Variants in CFAP77 observed in about 807,000 individuals in gnomAD.
CFAP77 encodes the protein cilia- and flagella-associated protein 77.
CFAP77 carries 25 observed loss-of-function variants against 31.1 expected under a neutral mutation model. That is an observed-to-expected ratio of 0.80 (90% CI 0.59 to 1.12). The LOEUF is 1.12. Ranked by LOEUF, CFAP77 falls within the 50% of genes most tolerant of loss-of-function variation. CFAP77 has a pLI of 0.00. For synonymous variants in CFAP77, 151 were observed against 159.9 expected (o/e 0.94, Z 0.42); for missense variants, 377 against 397.3 (o/e 0.95, Z 0.44).
At position 132,529,431 on chromosome 9, in the gene CFAP77, G is replaced by A. The variant is rs541410611; in HGVS notation, c.525-8170G>A. On this transcript the variant is annotated intron_variant, in intron 3 of 5. Coordinates refer to ENST00000393216, the MANE Select transcript of CFAP77 (RefSeq NM_001282957.2). ...TAAATGACACGTTAGTGGGTGCAGCGCACCAGCATGGCACATGTATACATA... is the reference window on the plus strand; with the variant it reads ...TAAATGACACGTTAGTGGGTGCAGCACACCAGCATGGCACATGTATACATA... 1.4e-3 allele frequency among the ~76,000 whole-genome samples: 182 copies of A among 131,312 alleles called. 3 individuals are homozygous for A. Among genetic ancestry groups the A allele is most frequent in the Middle Eastern group, 0.011 (3 of 268 alleles). The allele number at this position is 131,312 out of a possible 152,430, so 86.1% of individuals were successfully genotyped here.
intron 3 of CFAP77, among the ~76,000 whole-genome samples, chr9:132,505,703 G>T (rs567860553): frequency 1.3e-5 from 2 of 152,190 alleles, no homozygotes; most frequent in Admixed American, 1.3e-4. Flanking sequence ...GTGGATCTGC[G>T]CTCTGCCTGG....
chr9:132,444,974 CTT>C lies in CFAP77; in HGVS notation c.195+34525_195+34526del, dbSNP rs564127221. Among the ~76,000 whole-genome samples the C allele has an allele frequency of 3.1e-4, 42 of 133,686 alleles. 1 individual carries two copies. The highest frequency in any genetic ancestry group is 4.0e-4 in the Non-Finnish European group (25 of 62,210). 87.7% of individuals were successfully genotyped at this position (133,686 alleles called of 152,430 possible). ...CAACACTGTCCTATTTTCTTTCTTT[CTT>C]TTTTTTTTTTTTTTTTAGACAGGGT... On this transcript the variant is annotated intron_variant, in intron 1 of 5. Coordinates refer to ENST00000393216, the MANE Select transcript of CFAP77 (RefSeq NM_001282957.2).
At chr9:132,512,975 G>A (rs1852065975) in intron 3 of CFAP77, among the ~76,000 whole-genome samples, 2 of 151,910 alleles carry the variant, frequency 1.3e-5, no homozygotes, top group African/African-American at 4.8e-5. Flanking sequence ...GAGATGATAG[G>A]TATAAATGCT....
At chr9:132,460,046 G>A (rs551644464) in intron 1 of CFAP77, among the ~76,000 whole-genome samples, 25 of 152,226 alleles carry the variant, frequency 1.6e-4, no homozygotes, top group African/African-American at 4.1e-4. Context: ...GCAGGGCATC[G>A]CACCCTGAGG....
At chr9:132,510,131 C>A (rs60003034) in intron 3 of CFAP77, among the ~76,000 whole-genome samples, 13,376 of 152,228 alleles carry the variant, frequency 0.088, 684 homozygotes, top group South Asian at 0.16. Flanking sequence ...CGCCACTCCC[C>A]CAGGGCCTGG....
At chr9:132,486,079 TATATATATATA>T (rs1851548436) in intron 1 of CFAP77, among the ~76,000 whole-genome samples, 1 of 21,684 alleles carries the variant, frequency 4.6e-5, no homozygotes, top group African/African-American at 2.8e-4. Flanking sequence ...TATATATATA[TATATATATATA>T]TTTTTTTTTT....
intron 1 of CFAP77, among the ~76,000 whole-genome samples, chr9:132,413,545 A>G (rs2131672609): frequency 6.6e-6 from 1 of 152,354 alleles, no homozygotes; most frequent in Admixed American, 6.5e-5. Context: ...AGAAAGAACC[A>G]AGCTTCTCCC....
Position 132,554,576 on chromosome 9 carries a change from A to G in CFAP77, c.732+11529A>G, listed in dbSNP as rs558038156. On this transcript the variant is annotated intron_variant, in intron 5 of 5. Transcript: ENST00000393216. This position sits in a 1 kb window ranked among gnomAD's most constrained non-coding sequence, Gnocchi z 4.1. ...GGTCTTGAACTCCTGGGCTCAAGAG[A>G]TCTGCCCGCCTTGGCCTCCCAAAGT... Among the ~76,000 whole-genome samples, 2 of 152,096 alleles carry G rather than the reference A, an allele frequency of 1.3e-5. No homozygotes were observed. Among genetic ancestry groups the G allele is most frequent in the South Asian group, 4.2e-4 (2 of 4,814 alleles).
chr9:132,448,175 A>C (rs1850760909), intron 1 of CFAP77, among the ~76,000 whole-genome samples: 1 of 149,062 alleles, frequency 6.7e-6, no homozygotes, highest in Non-Finnish European at 1.5e-5. Flanking sequence ...ACACGCACAC[A>C]TGCACACACA....
intron 3 of CFAP77, among the ~76,000 whole-genome samples, chr9:132,513,875 T>C (rs997987871): frequency 6.6e-6 from 1 of 152,130 alleles, no homozygotes; most frequent in Non-Finnish European, 1.5e-5. Context: ...TTCTCAACTC[T>C]TTCTACCTCC....
At chr9:132,473,835 C>T (rs1851303050) in intron 1 of CFAP77, among the ~76,000 whole-genome samples, 1 of 152,208 alleles carries the variant, frequency 6.6e-6, no homozygotes, top group Non-Finnish European at 1.5e-5. Context: ...AGGCGTGCAC[C>T]ACCACGCCCG....
At chr9:132,502,993 G>A (rs1273556139) in intron 3 of CFAP77, among the ~76,000 whole-genome samples, 2 of 152,200 alleles carry the variant, frequency 1.3e-5, no homozygotes, top group Non-Finnish European at 2.9e-5. Context: ...ATTCTTCAAA[G>A]TTCAGCTCAG....
intron 1 of CFAP77, among the ~76,000 whole-genome samples, chr9:132,493,925 C>G (rs1421392492): frequency 5.1e-5 from 7 of 137,120 alleles, no homozygotes; most frequent in Non-Finnish European, 1.1e-4. Flanking sequence ...CTCTCTCTTT[C>G]TTTTTTTATA....
At chr9:132,504,557 T>C (rs1417288028) in intron 3 of CFAP77, among the ~76,000 whole-genome samples, 1 of 152,214 alleles carries the variant, frequency 6.6e-6, no homozygotes, top group Non-Finnish European at 1.5e-5. Flanking sequence ...AAATGCTGCA[T>C]TAGGTTGCTG....
At chr9:132,428,539 C>T (rs1227743315) in intron 1 of CFAP77, among the ~76,000 whole-genome samples, 4 of 152,100 alleles carry the variant, frequency 2.6e-5, no homozygotes, top group East Asian at 1.9e-4. Context: ...CACTTGAACC[C>T]GGGAGGCGGA....
intron 1 of CFAP77, among the ~76,000 whole-genome samples, chr9:132,451,589 C>T (rs1850828226): frequency 6.6e-6 from 1 of 152,014 alleles, no homozygotes; most frequent in Non-Finnish European, 1.5e-5. Context: ...ACACTGCCAC[C>T]TTACTCCATA....
chr9:132,424,786 A>C lies in CFAP77; in HGVS notation c.195+14320A>C, dbSNP rs569177190. The stretch of plus-strand genomic sequence containing the variant: ...GTGCGCATCTGCCGGCCAGGGAGCC[A>C]GGATGGCTGGGGGCAAAACCTCCAT... On this transcript the variant is annotated intron_variant, in intron 1 of 5. Transcript: ENST00000393216. The surrounding 1 kb of genome is among the most constrained non-coding windows in gnomAD (Gnocchi z 4.1). Among the ~76,000 whole-genome samples the C allele has an allele frequency of 7.2e-4, 110 of 152,368 alleles. No individual in the cohort carries two copies. Among genetic ancestry groups the C allele is most frequent in the African/African-American group, 2.6e-3 (107 of 41,596 alleles).
chr9:132,529,508 A>AAAAAAAAAC (rs1487804865), intron 3 of CFAP77, among the ~76,000 whole-genome samples: 5 of 68,956 alleles, frequency 7.3e-5, no homozygotes, highest in African/African-American at 2.1e-4. Flanking sequence ...AGAGTATAAT[A>AAAAAAAAAC]AAAAAAAAAA....
At chr9:132,446,952 C>T (rs80121725) in intron 1 of CFAP77, among the ~76,000 whole-genome samples, 2,617 of 151,820 alleles carry the variant, frequency 0.017, 42 homozygotes, top group Middle Eastern at 0.041. Context: ...CGGGGGTCTC[C>T]CTATGTTGCC....
Sources: gnomAD v4.1 joint callset for allele counts (sites outside exome capture counted in the v4.1 genomes callset) on GRCh38, gnomAD v4.1.1 for gene constraint, Gnocchi (gnomAD v3.1) non-coding constraint, MANE v1.5 for transcripts, NCBI Gene and HGNC (gene_info 2026-07-23, HGNC 2026-07-21) for gene names.